The following PDE7B variants were observed in gnomAD, a reference collection of about 807,000 sequenced individuals.
PDE7B encodes 3',5'-cyclic-AMP phosphodiesterase 7B.
PDE7B carries 29 observed loss-of-function variants against 56.2 expected under a neutral mutation model. The ratio of observed to expected loss-of-function variants is 0.52; its 90% confidence interval spans 0.38 to 0.70. PDE7B has a LOEUF of 0.70. PDE7B is among the 30% of genes least tolerant of loss of function. The probability of loss-of-function intolerance (pLI) is 0.00; values close to 1 mark genes in which losing one functional copy is unlikely to be tolerated. For synonymous variants in PDE7B, 197 were observed against 196.9 expected (o/e 1.00, Z 0.00); for missense variants, 490 against 565.0 (o/e 0.87, Z 1.35).
chr6:135,861,414 T>C (rs555116613), intron 1 of PDE7B, among the ~76,000 whole-genome samples: 1 of 151,656 alleles, frequency 6.6e-6, no homozygotes, highest in East Asian at 1.9e-4. Flanking sequence ...TGTTTACTAA[T>C]GGTCTGAGCA....
chr6:135,860,844 T>A (rs1168825746), intron 1 of PDE7B, among the ~76,000 whole-genome samples: 1 of 125,104 alleles, frequency 8.0e-6, no homozygotes, highest in Non-Finnish European at 1.7e-5. Flanking sequence ...TTGTTTTAAA[T>A]TTTTTTTTTT....
intron 2 of PDE7B, among the ~76,000 whole-genome samples, chr6:135,978,222 G>A (rs1158746755): frequency 1.3e-5 from 2 of 152,120 alleles, no homozygotes; most frequent in Non-Finnish European, 2.9e-5. Flanking sequence ...AATACTGTAG[G>A]CAATTGTAAT....
chr6:136,145,459 T>G (rs758578207), intron 3 of PDE7B, among the ~76,000 whole-genome samples: 1 of 152,148 alleles, frequency 6.6e-6, no homozygotes, highest in Non-Finnish European at 1.5e-5. Flanking sequence ...AAGATAAATC[T>G]GGTTCCTATT....
intron 1 of PDE7B, among the ~76,000 whole-genome samples, chr6:135,865,906 G>GT (rs1256626243): frequency 6.6e-6 from 1 of 151,958 alleles, no homozygotes; most frequent in East Asian, 1.9e-4. Flanking sequence ...GAGAGTAAGG[G>GT]TAGTGAGGAG....
At chr6:136,067,306 C>G (rs578044187) in intron 2 of PDE7B, among the ~76,000 whole-genome samples, 2 of 152,166 alleles carry the variant, frequency 1.3e-5, no homozygotes, top group Non-Finnish European at 2.9e-5. Context: ...CCATTTTTCT[C>G]CAAACCAAAT....
At chr6:136,038,278 G>A in intron 2 of PDE7B, 2 of 1,297,856 alleles carry the variant, frequency 1.5e-6, no homozygotes, top group South Asian at 2.4e-5. Flanking sequence ...CCTCTTCTGG[G>A]GCACAAGACA....
intron 2 of PDE7B, chr6:136,097,955 G>A (rs1008737642): frequency 6.6e-6 from 1 of 151,962 alleles, no homozygotes; most frequent in African/African-American, 2.4e-5. Context: ...GTGTGAAGGT[G>A]GCACTATAAC....
chr6:136,088,306 G>T (rs761835927), intron 2 of PDE7B, among the ~76,000 whole-genome samples: 14 of 152,148 alleles, frequency 9.2e-5, no homozygotes, highest in African/African-American at 3.1e-4. Flanking sequence ...AGCCCCACAA[G>T]GGGGGAGTGG....
At position 136,191,880 on chromosome 6, in the gene PDE7B, C is replaced by T. The variant is rs749275115; in HGVS notation, c.*40C>T. On this transcript the variant is annotated 3_prime_UTR_variant, in exon 13 of 13. Transcript: ENST00000308191. The stretch of plus-strand genomic sequence containing the variant: ...TAGACGCGGCTCTCCTCCGGCAGGG[C>T]CCCCAGAGGGCAGAAGCAGCGTGGA... The T allele has an allele frequency of 2.0e-6, 3 of 1,467,576 alleles. No individual in the cohort carries two copies. Among genetic ancestry groups the T allele is most frequent in the Non-Finnish European group, 2.8e-6 (3 of 1,077,016 alleles). 90.9% of individuals were successfully genotyped at this position (1,467,576 alleles called of 1,614,324 possible).
intron 2 of PDE7B, among the ~76,000 whole-genome samples, chr6:136,087,216 C>T (rs537082771): frequency 6.6e-6 from 1 of 152,268 alleles, no homozygotes; most frequent in African/African-American, 2.4e-5. Context: ...ATGGAGCAAA[C>T]ATGAACACAT....
chr6:136,114,638 G>T (rs563123075), intron 3 of PDE7B, among the ~76,000 whole-genome samples: 83 of 152,230 alleles, frequency 5.5e-4, no homozygotes, highest in African/African-American at 1.9e-3. Flanking sequence ...AAAATGCAAA[G>T]AATCTGAACT....
chr6:136,190,857 G>T (rs369743580), intron 12 of PDE7B, among the ~76,000 whole-genome samples: 32 of 152,136 alleles, frequency 2.1e-4, no homozygotes, highest in African/African-American at 7.2e-4. Flanking sequence ...ATAACTGAAA[G>T]CAAGACAGAA....
At chr6:135,989,336 G>C (rs1424204800) in intron 2 of PDE7B, among the ~76,000 whole-genome samples, 1 of 152,154 alleles carries the variant, frequency 6.6e-6, no homozygotes, top group African/African-American at 2.4e-5. Context: ...TATCAGGGCC[G>C]AGCGCGATGG....
At position 135,968,245 on chromosome 6, in the gene PDE7B, G is replaced by A. The variant is rs528299193; in HGVS notation, c.82+20721G>A. On this transcript the variant is annotated intron_variant, in intron 2 of 12. Transcript: ENST00000308191. ...GCAATACCATTCAGGACATAGGCAC[G>A]GGCAAAGATTTCATGATGAAAATGT... Among the ~76,000 whole-genome samples the A allele has an allele frequency of 1.8e-4, 27 of 152,166 alleles. No homozygotes were observed. In the East Asian group the frequency reaches 3.5e-3, roughly 20 times the overall value.
At chr6:136,069,158 G>A (rs1777004264) in intron 2 of PDE7B, among the ~76,000 whole-genome samples, 1 of 152,132 alleles carries the variant, frequency 6.6e-6, no homozygotes, top group South Asian at 2.1e-4. Flanking sequence ...TGGTTGGGGG[G>A]CTTAGAATTT....
At chr6:136,162,933 C>T (rs923755530) in intron 8 of PDE7B, among the ~76,000 whole-genome samples, 3 of 152,236 alleles carry the variant, frequency 2.0e-5, no homozygotes, top group African/African-American at 4.8e-5. Flanking sequence ...CCTTGGGCAG[C>T]TCCATTCCTG....
At chr6:136,044,555 A>G (rs1219692658) in intron 2 of PDE7B, 10 of 152,208 alleles carry the variant, frequency 6.6e-5, no homozygotes, top group Non-Finnish European at 5.9e-5. Flanking sequence ...AAAAGAATAC[A>G]CAAGAGTGAA....
chr6:135,966,125 G>A (rs1354425197), intron 2 of PDE7B, among the ~76,000 whole-genome samples: 1 of 152,134 alleles, frequency 6.6e-6, no homozygotes, highest in African/African-American at 2.4e-5. Context: ...ATCTAACATA[G>A]AAAGTTCAAC....
chr6:135,914,032 A>G lies in PDE7B; in HGVS notation c.22-33432A>G, dbSNP rs190912359. ...GTGAGTGTGAGATCTCACTGGCCTC[A>G]CTGGCACAGGGTTGAAGCCAGAGGA... On this transcript the variant is annotated intron_variant, in intron 1 of 12. Coordinates refer to ENST00000308191, the MANE Select transcript of PDE7B (RefSeq NM_018945.4). Among the ~76,000 whole-genome samples the G allele has an allele frequency of 2.4e-3, 372 of 152,278 alleles. 7 individuals are homozygous for G. The highest frequency in any genetic ancestry group is 8.3e-3 in the African/African-American group (343 of 41,556).
Sources: allele counts gnomAD v4.1 joint callset (sites outside exome capture counted in the v4.1 genomes callset), GRCh38; gene constraint gnomAD v4.1.1; transcripts MANE v1.5; gene names NCBI Gene and HGNC (gene_info 2026-07-23, HGNC 2026-07-21).